The following IL1RAPL1 variants were observed in gnomAD, a reference collection of about 807,000 sequenced individuals.
IL1RAPL1 encodes the protein interleukin-1 receptor accessory protein-like 1.
IL1RAPL1 carries 3 observed loss-of-function variants against 48.4 expected under a neutral mutation model. The ratio of observed to expected loss-of-function variants is 0.06; its 90% CI spans 0.03 to 0.16. The LOEUF (loss-of-function observed/expected upper bound fraction) is 0.16. IL1RAPL1 is among the 10% of genes least tolerant of loss of function. The probability of loss-of-function intolerance (pLI) is 1.00; values close to 1 mark genes in which losing one functional copy is unlikely to be tolerated. For synonymous variants in IL1RAPL1, 185 were observed against 187.7 expected, an observed-to-expected ratio of 0.99 and a Z score of 0.12; for missense variants, 349 against 530.6, an observed-to-expected ratio of 0.66 and a Z score of 3.36.
Position 28,655,976 on chromosome X carries a change from G to A in IL1RAPL1, c.-25+67929G>A, listed in dbSNP as rs764629265. On this transcript the variant is annotated intron_variant, in intron 1 of 10. Transcript: ENST00000378993. ...TTGAAGATGAAGGCCAGAGGTAATC[G>A]ATTTCATTATTATATTACATCATGT... Among the ~76,000 whole-genome samples the A allele has an allele frequency of 8.1e-5, 9 of 111,369 alleles. No homozygotes were observed. In the East Asian group the frequency reaches 8.4e-4, roughly 10 times the overall value.
intron 5 of IL1RAPL1, among the ~76,000 whole-genome samples, chrX:29,449,774 C>CAGAG (rs769103688): frequency 7.1e-4 from 29 of 41,032 alleles, no homozygotes; most frequent in African/African-American, 5.4e-3. Context: ...CACACACACA[C>CAGAG]ACACACAGAG....
intron 8 of IL1RAPL1, among the ~76,000 whole-genome samples, chrX:29,923,020 C>G (rs892451986): frequency 8.9e-6 from 1 of 111,906 alleles, no homozygotes; most frequent in Admixed American, 9.5e-5. Context: ...ATTATCTAAG[C>G]AATTTTTCCT....
chrX:29,369,320 T>TAA (rs1043396589), intron 3 of IL1RAPL1: 3 of 108,875 alleles, frequency 2.8e-5, no homozygotes, highest in Admixed American at 9.9e-5. Flanking sequence ...CTGAGGTACT[T>TAA]AAAAAAAAAT....
At chrX:29,844,487 C>T (rs1479825401) in intron 6 of IL1RAPL1, among the ~76,000 whole-genome samples, 2 of 111,290 alleles carry the variant, frequency 1.8e-5, no homozygotes, top group Non-Finnish European at 3.8e-5. Context: ...TAAATGTGAT[C>T]TTATATGGAA....
chrX:29,700,050 T>C (rs1265923369), intron 6 of IL1RAPL1, among the ~76,000 whole-genome samples: 2 of 111,502 alleles, frequency 1.8e-5, no homozygotes, highest in Non-Finnish European at 3.8e-5. Context: ...AGTTGACCCA[T>C]TGGTGCCTCT....
chrX:29,549,799 A>G (rs758705668), intron 5 of IL1RAPL1, among the ~76,000 whole-genome samples: 2 of 112,180 alleles, frequency 1.8e-5, no homozygotes, highest in East Asian at 5.6e-4. Flanking sequence ...TTTAACTCTA[A>G]AAGATGCTTT....
chrX:28,828,502 T>C (rs1920986515), intron 2 of IL1RAPL1, among the ~76,000 whole-genome samples: 1 of 111,860 alleles, frequency 8.9e-6, no homozygotes, highest in Non-Finnish European at 1.9e-5. Flanking sequence ...AAGATTATTA[T>C]TTCCCACATT....
intron 2 of IL1RAPL1, among the ~76,000 whole-genome samples, chrX:28,936,932 A>G (rs907221191): frequency 9.0e-6 from 1 of 111,506 alleles, no homozygotes; most frequent in Non-Finnish European, 1.9e-5. Flanking sequence ...TCTCAGAAAC[A>G]TGGCCTCCAA....
intron 6 of IL1RAPL1, among the ~76,000 whole-genome samples, chrX:29,802,998 T>C (rs1482593702): frequency 7.3e-5 from 5 of 68,346 alleles, no homozygotes; most frequent in Non-Finnish European, 1.3e-4. Context: ...CATATATATG[T>C]ATGCATATAT....
intron 2 of IL1RAPL1, among the ~76,000 whole-genome samples, chrX:29,081,014 CTCTCTCTTTCTTTTCT>C (rs1312151802): frequency 2.8e-4 from 19 of 67,492 alleles, no homozygotes; most frequent in African/African-American, 4.8e-4. Context: ...CTCTCTCTCT[CTCTCTCTTTCTTTTCT>C]TTTCTTTTCT....
intron 6 of IL1RAPL1, among the ~76,000 whole-genome samples, chrX:29,837,284 T>A (rs866874907): frequency 3.5e-4 from 24 of 67,708 alleles, no homozygotes; most frequent in African/African-American, 1.8e-3. Flanking sequence ...TATATATATA[T>A]ATATATATAT....
chrX:28,821,535 A>G (rs7882123), intron 2 of IL1RAPL1, among the ~76,000 whole-genome samples: 6,237 of 111,586 alleles, frequency 0.056, 339 homozygotes, highest in East Asian at 0.25. Flanking sequence ...AGAAATGCAG[A>G]TATGTATGGT....
intron 5 of IL1RAPL1, among the ~76,000 whole-genome samples, chrX:29,418,461 A>C (rs1159184775): frequency 4.5e-5 from 5 of 110,936 alleles, no homozygotes; most frequent in Non-Finnish European, 9.4e-5. Flanking sequence ...TTTAAAAGCA[A>C]ACTTGGTTAT....
At chrX:29,864,050 G>T (rs1378402971) in intron 6 of IL1RAPL1, among the ~76,000 whole-genome samples, 1 of 112,137 alleles carries the variant, frequency 8.9e-6, no homozygotes, top group East Asian at 2.8e-4. Context: ...CTCCCAAAGT[G>T]CTGGGATTAC....
At chrX:29,931,224 G>A (rs900994772) in intron 8 of IL1RAPL1, among the ~76,000 whole-genome samples, 2 of 110,968 alleles carry the variant, frequency 1.8e-5, no homozygotes, top group African/African-American at 6.6e-5. Flanking sequence ...TACAAAATGA[G>A]AAAGAAAGGC....
chrX:29,137,430 G>T (rs1409147024), intron 2 of IL1RAPL1, among the ~76,000 whole-genome samples: 1 of 111,906 alleles, frequency 8.9e-6, no homozygotes, highest in Non-Finnish European at 1.9e-5. Context: ...TTAAGTAACG[G>T]AAATAACATC....
At chrX:28,865,147 A>T (rs1922046569) in intron 2 of IL1RAPL1, among the ~76,000 whole-genome samples, 1 of 112,150 alleles carries the variant, frequency 8.9e-6, no homozygotes, top group South Asian at 3.7e-4. Context: ...GTTAAGAATC[A>T]CAAGTTCAGG....
chrX:29,802,818 T>TATATATGTATAC (rs1304829206), intron 6 of IL1RAPL1, among the ~76,000 whole-genome samples: 1 of 75,595 alleles, frequency 1.3e-5, no homozygotes, highest in Non-Finnish European at 2.4e-5. Context: ...TATGTGTGTA[T>TATATATGTATAC]ATATATGTAT....
At chrX:28,610,374 G>T (rs1000933026) in intron 1 of IL1RAPL1, among the ~76,000 whole-genome samples, 1 of 111,964 alleles carries the variant, frequency 8.9e-6, no homozygotes, top group Non-Finnish European at 1.9e-5. Context: ...CCAGCATCTT[G>T]TTGCTGGTGA....
Sources: gnomAD v4.1 joint callset for allele counts (sites outside exome capture counted in the v4.1 genomes callset) on GRCh38, gnomAD v4.1.1 for gene constraint, MANE v1.5 for transcripts, NCBI Gene and HGNC (gene_info 2026-07-23, HGNC 2026-07-21) for gene names.